The following PARM1 variants were observed in gnomAD, a reference collection of about 807,000 sequenced individuals.
The protein encoded by PARM1 is WSC4, cell wall integrity and stress response component 4 homolog.
Under a neutral mutation model 24.6 loss-of-function variants are expected in PARM1, and 14 were observed. The ratio of observed to expected loss-of-function variants is 0.57; its 90% CI spans 0.38 to 0.89. PARM1 has a LOEUF of 0.89. Ranked by LOEUF, PARM1 falls within the 40% of genes least tolerant of loss-of-function variation. The pLI, the probability that PARM1 is intolerant of heterozygous loss-of-function variation, is 0.00. For missense variants in PARM1, 362 were observed against 380.4 expected (o/e 0.95, Z 0.40); for synonymous variants, 179 against 156.6 (o/e 1.14, Z -1.07).
Position 75,046,050 on chromosome 4 carries a change from A to G in PARM1, c.849-113A>G, listed in dbSNP as rs78949951. Reference sequence around the variant, plus strand: ...CTGCTGTCCTAGTGAGAGCGTCACAACTTTCCCTCTCCCTGGCCCCATAAG... The same window carrying G: ...CTGCTGTCCTAGTGAGAGCGTCACAGCTTTCCCTCTCCCTGGCCCCATAAG... On this transcript the variant is annotated intron_variant, in intron 3 of 3. Coordinates refer to ENST00000307428, the MANE Select transcript of PARM1 (RefSeq NM_015393.4). 2,298 of 679,536 alleles carry G rather than the reference A, an allele frequency of 3.4e-3. 44 individuals carry two copies. The African/African-American group carries it at 0.036, about 11-fold the overall frequency. The allele number at this position is 679,536 out of a possible 1,614,324, so 42.1% of individuals were successfully genotyped here.
At chr4:75,042,247 G>A (rs1190489627) in intron 3 of PARM1, among the ~76,000 whole-genome samples, 1 of 152,180 alleles carries the variant, frequency 6.6e-6, no homozygotes. Context: ...GTAGTTAGAA[G>A]AAAAGTAGGA....
At chr4:74,947,760 A>G (rs1243214132) in intron 1 of PARM1, among the ~76,000 whole-genome samples, 1 of 152,210 alleles carries the variant, frequency 6.6e-6, no homozygotes, top group African/African-American at 2.4e-5. Flanking sequence ...TGAAAGGAAC[A>G]TGGGGATGCA....
chr4:74,990,855 A>T (rs1722453647), intron 1 of PARM1, among the ~76,000 whole-genome samples: 1 of 152,164 alleles, frequency 6.6e-6, no homozygotes, highest in African/African-American at 2.4e-5. Context: ...TTTGACAAAG[A>T]TAATAGCTGA....
At chr4:74,993,913 A>T (rs562691907) in intron 1 of PARM1, 44 of 152,278 alleles carry the variant, frequency 2.9e-4, no homozygotes, top group Admixed American at 2.7e-3. Context: ...ATTATACATC[A>T]ATTATACCTC....
At chr4:75,043,742 G>C (rs957559412) in intron 3 of PARM1, among the ~76,000 whole-genome samples, 1 of 152,106 alleles carries the variant, frequency 6.6e-6, no homozygotes, top group South Asian at 2.1e-4. Context: ...GATTTGATTG[G>C]AACTGGAGGT....
At chr4:74,936,549 G>C (rs924153498) in intron 1 of PARM1, among the ~76,000 whole-genome samples, 2 of 151,462 alleles carry the variant, frequency 1.3e-5, no homozygotes, top group Non-Finnish European at 2.9e-5. Context: ...CGCCTCCCGG[G>C]TTCACGCCAT....
At chr4:75,011,917 T>C (rs1448437407) in intron 1 of PARM1, among the ~76,000 whole-genome samples, 1 of 152,130 alleles carries the variant, frequency 6.6e-6, no homozygotes, top group Admixed American at 6.5e-5. Flanking sequence ...CCTCAAGACA[T>C]GGAACAGCCA....
chr4:74,978,950 A>G (rs193039523), intron 1 of PARM1, among the ~76,000 whole-genome samples: 4 of 152,336 alleles, frequency 2.6e-5, no homozygotes, highest in Admixed American at 6.5e-5. Context: ...TTTGGGATGC[A>G]GCTAAAGCAG....
chr4:75,017,179 A>T (rs551106140), intron 2 of PARM1, among the ~76,000 whole-genome samples: 1 of 152,106 alleles, frequency 6.6e-6, no homozygotes, highest in Non-Finnish European at 1.5e-5. Flanking sequence ...TGATCTCACT[A>T]TTCACTGCAC....
chr4:75,017,908 C>A (rs28760549), intron 2 of PARM1, among the ~76,000 whole-genome samples: 1 of 152,096 alleles, frequency 6.6e-6, no homozygotes, highest in Admixed American at 6.5e-5. Flanking sequence ...TCACATAATG[C>A]GGTTATTAGA....
At chr4:74,992,900 G>A (rs1035293397) in intron 1 of PARM1, among the ~76,000 whole-genome samples, 17 of 152,226 alleles carry the variant, frequency 1.1e-4, no homozygotes, top group African/African-American at 3.1e-4. Context: ...GGAGTGAAGT[G>A]CTCCAGAAAG....
chr4:74,980,403 T>C (rs1452083725), intron 1 of PARM1, among the ~76,000 whole-genome samples: 2 of 152,108 alleles, frequency 1.3e-5, no homozygotes, highest in Admixed American at 6.6e-5. Flanking sequence ...GGAATACAGT[T>C]AATAAGGGAA....
At chr4:74,962,975 C>A (rs566887858) in intron 1 of PARM1, among the ~76,000 whole-genome samples, 2 of 152,300 alleles carry the variant, frequency 1.3e-5, no homozygotes, top group African/African-American at 4.8e-5. Context: ...GGGGCAGTTT[C>A]CCCCACACTC....
At chr4:75,004,719 T>A (rs1722739776) in intron 1 of PARM1, among the ~76,000 whole-genome samples, 1 of 152,182 alleles carries the variant, frequency 6.6e-6, no homozygotes, top group African/African-American at 2.4e-5. Flanking sequence ...GAAGGGTTCA[T>A]ACAGTCTAAT....
intron 1 of PARM1, among the ~76,000 whole-genome samples, chr4:75,004,621 A>T (rs1413862374): frequency 6.6e-6 from 1 of 152,128 alleles, no homozygotes; most frequent in Non-Finnish European, 1.5e-5. Flanking sequence ...AACTGGAGAG[A>T]CTGTGAAAGG....
chr4:74,975,504 G>T (rs572489917), intron 1 of PARM1, among the ~76,000 whole-genome samples: 2 of 152,296 alleles, frequency 1.3e-5, no homozygotes, highest in African/African-American at 4.8e-5. Flanking sequence ...TTTGGCATTT[G>T]CCAGAAATTT....
chr4:74,933,434 T>C, intron 1 of PARM1, 64 bp downstream of exon 1: 1 of 1,450,732 alleles, frequency 6.9e-7, no homozygotes, highest in Non-Finnish European at 9.7e-7. Context: ...TAGCGCGTGG[T>C]CGGGGCTGAA....
intron 1 of PARM1, among the ~76,000 whole-genome samples, chr4:75,004,147 A>G (rs1722729382): frequency 6.6e-6 from 1 of 152,220 alleles, no homozygotes; most frequent in Admixed American, 6.5e-5. Context: ...CACAGGGAGG[A>G]CACATTTCTG....
At chr4:74,945,189 C>T (rs115342917) in intron 1 of PARM1, among the ~76,000 whole-genome samples, 46 of 152,206 alleles carry the variant, frequency 3.0e-4, no homozygotes, top group East Asian at 5.8e-4. Context: ...ATGTTGTGTG[C>T]GCCTGTGGAG....
Sources: allele counts gnomAD v4.1 joint callset (sites outside exome capture counted in the v4.1 genomes callset), GRCh38; gene constraint gnomAD v4.1.1; transcripts MANE v1.5; gene names NCBI Gene and HGNC (gene_info 2026-07-23, HGNC 2026-07-21).